The following ACACA variants were observed in gnomAD, a reference collection of about 807,000 sequenced individuals.
The protein encoded by ACACA is acetyl-CoA carboxylase 1.
A neutral mutation model predicts 296.1 loss-of-function variants in ACACA; 103 were observed. The observed-to-expected ratio is 0.35, with a 90% confidence interval of 0.30 to 0.41. The LOEUF (loss-of-function observed/expected upper bound fraction) is 0.41. Ranked by LOEUF, ACACA falls within the 10% of genes least tolerant of loss-of-function variation. The pLI is 1.00. For synonymous variants in ACACA, 953 were observed against 1,038.6 expected (o/e 0.92, Z 1.58); for missense variants, 1,554 against 2,989.7 (o/e 0.52, Z 11.20).
At chr17:37,381,102 T>C (rs896332403) in intron 1 of ACACA, among the ~76,000 whole-genome samples, 1 of 152,072 alleles carries the variant, frequency 6.6e-6, no homozygotes, top group African/African-American at 2.4e-5. Flanking sequence ...TTTAAAAACA[T>C]AAATGGTAAC....
chr17:37,177,261 A>T (rs1188294858), intron 41 of ACACA, among the ~76,000 whole-genome samples: 2 of 127,614 alleles, frequency 1.6e-5, no homozygotes, highest in Non-Finnish European at 3.2e-5. Context: ...TTTAATTTTT[A>T]AAAAATTCGT....
intron 11 of ACACA, 134 bp downstream of exon 11, chr17:37,263,551 C>G (rs2081610356): frequency 7.4e-6 from 6 of 809,620 alleles, no homozygotes; most frequent in Non-Finnish European, 1.2e-5. Flanking sequence ...TTTTTTTTCT[C>G]TAAGAAAAGG....
At position 37,322,474 on chromosome 17, in the gene ACACA, G is replaced by A. The variant is rs74600140; in HGVS notation, c.338+7699C>T. Among the ~76,000 whole-genome samples, 644 of 152,258 alleles carry A rather than the reference G, an allele frequency of 4.2e-3. 2 individuals are homozygous for A. Among genetic ancestry groups the A allele is most frequent in the Admixed American group, 6.2e-3 (95 of 15,286 alleles). On this transcript the variant is annotated intron_variant, in intron 3 of 55. Transcript: ENST00000616317. Reference sequence around the variant, plus strand: ...ATGGGAAGGGGACAGGGAAGTGCTGGGTAGAGAAGGGCAGAGTCCCTGTCA... The same window carrying A: ...ATGGGAAGGGGACAGGGAAGTGCTGAGTAGAGAAGGGCAGAGTCCCTGTCA...
Position 37,174,006 on chromosome 17 carries a change from ATATATATATATATATTTTT to A in ACACA, c.5079+5235_5079+5253del, listed in dbSNP as rs1262433758. ...TTTATATATATATATATATATATAT[ATATATATATATATATTTTT>A]TTTTTTTTTTTTTTTTGTAGCGATA... is the stretch of plus-strand genomic sequence containing the variant. On this transcript the variant is annotated intron_variant, in intron 41 of 55. Coordinates refer to ENST00000616317, the MANE Select transcript of ACACA (RefSeq NM_198834.3). 8.2e-4 allele frequency among the ~76,000 whole-genome samples: 10 copies of A among 12,250 alleles called. 2 individuals carry two copies. Among genetic ancestry groups the A allele is most frequent in the Non-Finnish European group, 1.1e-3 (8 of 7,418 alleles). 8.0% of individuals were successfully genotyped at this position (12,250 alleles called of 152,430 possible). A position where few individuals can be genotyped will look rare whatever the true frequency, so the allele number is the denominator to read the frequency against.
rs768329159 is a variant in ACACA at position 37,234,987 on chromosome 17, G to A, written c.3234C>T (p.Val1078=). 1 of 1,613,678 alleles carries A rather than the reference G, an allele frequency of 6.2e-7. No homozygotes were observed. The highest frequency in any genetic ancestry group is 1.1e-5 in the South Asian group (1 of 91,064). ...AAATGGTACTCACAATAAGCATTGTGACCAGAAGATTCTTCTTGGTGACTT... is the reference window on the plus strand; with the variant it reads ...AAATGGTACTCACAATAAGCATTGTAACCAGAAGATTCTTCTTGGTGACTT... ...HAQVTKKNLL[V]TMLIDQLCGR... is the part of the protein sequence containing the mutation. Residue 1078 remains valine (V), a synonymous_variant, in exon 25 of 56, where the codon GTC becomes GTT. Coordinates refer to ENST00000616317, the MANE Select transcript of ACACA (RefSeq NM_198834.3).
At chr17:37,252,792 A>G (rs1202961428) in intron 15 of ACACA, 94 bp downstream of exon 15, 2 of 1,536,184 alleles carry the variant, frequency 1.3e-6, no homozygotes, top group African/African-American at 2.7e-5. Flanking sequence ...AACCATTTAC[A>G]TTAGAATCAA....
chr17:37,322,245 T>C (rs1428184921), intron 3 of ACACA, among the ~76,000 whole-genome samples: 6 of 152,180 alleles, frequency 3.9e-5, no homozygotes, highest in Non-Finnish European at 7.4e-5. Flanking sequence ...GCAACAACTA[T>C]TGTCTTGAAC....
chr17:37,399,302 G>A (rs1568107567), intron 1 of ACACA, among the ~76,000 whole-genome samples: 1 of 152,072 alleles, frequency 6.6e-6, no homozygotes, highest in Non-Finnish European at 1.5e-5. Flanking sequence ...AAGGTGATAA[G>A]GAGTGGAGAC....
chr17:37,396,731 A>AT (rs2051094387), intron 1 of ACACA, among the ~76,000 whole-genome samples: 1 of 152,000 alleles, frequency 6.6e-6, no homozygotes, highest in Non-Finnish European at 1.5e-5. Flanking sequence ...AAATCTTTTT[A>AT]TTTTTTGTTT....
At position 37,317,481 on chromosome 17, in the gene ACACA, G is replaced by A. The variant is rs140719975; in HGVS notation, c.338+12692C>T. 1.7e-3 allele frequency among the ~76,000 whole-genome samples: 252 copies of A among 152,012 alleles called. 2 individuals carry two copies. The highest frequency in any genetic ancestry group is 5.7e-3 in the African/African-American group (237 of 41,436). ...CTTAGTAGGCTGAGGCACGAGAATC[G>A]CTTGAACCCGGGAGGCGGAGGCAGT... On this transcript the variant is annotated intron_variant, in intron 3 of 55. Transcript: ENST00000616317.
intron 10 of ACACA, among the ~76,000 whole-genome samples, chr17:37,267,847 G>A (rs2081862979): frequency 6.6e-6 from 1 of 150,440 alleles, no homozygotes; most frequent in Admixed American, 6.7e-5. Flanking sequence ...TGCAGCCTCT[G>A]TCTCCTGGGT....
chr17:37,361,070 G>A (rs979267002), intron 1 of ACACA, among the ~76,000 whole-genome samples: 6 of 135,642 alleles, frequency 4.4e-5, no homozygotes, highest in Non-Finnish European at 7.7e-5. Context: ...ATGGAGTCTC[G>A]CTCTGTCGCC....
rs1432497578 is a variant in ACACA at position 37,260,274 on chromosome 17, ATATATATATATATATATATATATTTTTTT to A, written c.1330-773_1330-745del. On this transcript the variant is annotated intron_variant, in intron 11 of 55. Coordinates refer to ENST00000616317, the MANE Select transcript of ACACA (RefSeq NM_198834.3). ...CATATATATATATATATATATATAT[ATATATATATATATATATATATATTTTTTT>A]TTTTTTTTTTTTTGGAGATGGAGTC... Among the ~76,000 whole-genome samples the A allele has an allele frequency of 2.2e-4, 6 of 27,844 alleles. 2 individuals carry two copies. The highest frequency in any genetic ancestry group is 4.5e-3 in the East Asian group (2 of 446). The allele number at this position is 27,844 out of a possible 152,430, so 18.3% of individuals were successfully genotyped here. A position where few individuals can be genotyped will look rare whatever the true frequency, so the allele number is the denominator to read the frequency against.
rs139712840 is a variant in ACACA at position 37,181,560 on chromosome 17, C to T, written c.4777-204G>A. Among the ~76,000 whole-genome samples the T allele has an allele frequency of 6.5e-3, 988 of 152,124 alleles. 7 individuals carry two copies. The highest frequency in any genetic ancestry group is 0.051 in the Middle Eastern group (15 of 292). ...AACTCCAAAAAATATATATATATAA[C>T]CAGCCATATACCATAACTGCTCTCA... is the stretch of plus-strand genomic sequence containing the variant. On this transcript the variant is annotated intron_variant, in intron 39 of 55. Transcript: ENST00000616317.
chr17:37,363,049 A>G (rs62071186), intron 1 of ACACA, among the ~76,000 whole-genome samples: 1 of 146,552 alleles, frequency 6.8e-6, no homozygotes, highest in African/African-American at 2.5e-5. Flanking sequence ...TTTTTTTTTA[A>G]TCACAACTAC....
chr17:37,340,497 G>T (rs2048330778), intron 1 of ACACA, among the ~76,000 whole-genome samples: 1 of 152,160 alleles, frequency 6.6e-6, no homozygotes, highest in Admixed American at 6.6e-5. Context: ...AATTGCAGCT[G>T]GAGACCCAGG....
chr17:37,162,369 T>C (rs2076494083), intron 41 of ACACA, among the ~76,000 whole-genome samples: 1 of 152,200 alleles, frequency 6.6e-6, no homozygotes, highest in Non-Finnish European at 1.5e-5. Flanking sequence ...TGATTAAATC[T>C]AGATATCTCA....
intron 3 of ACACA, among the ~76,000 whole-genome samples, chr17:37,315,455 T>C (rs1023186281): frequency 2.6e-5 from 4 of 152,162 alleles, no homozygotes; most frequent in African/African-American, 9.7e-5. Flanking sequence ...CTTATATTAA[T>C]TACCCAGAGT....
At chr17:37,240,777 A>G (rs1337103026) in intron 23 of ACACA, among the ~76,000 whole-genome samples, 1 of 152,200 alleles carries the variant, frequency 6.6e-6, no homozygotes, top group Non-Finnish European at 1.5e-5. Context: ...GAAGACAACA[A>G]AATCCTGCAT....
Sources: gnomAD v4.1 joint callset for allele counts (sites outside exome capture counted in the v4.1 genomes callset) on GRCh38, gnomAD v4.1.1 for gene constraint, MANE v1.5 for transcripts, NCBI Gene and HGNC (gene_info 2026-07-23, HGNC 2026-07-21) for gene names.